B4GALNT4: variants seen among roughly 807,000 people sequenced by gnomAD.
B4GALNT4 encodes the protein N-acetyl-beta-glucosaminyl-glycoprotein 4-beta-N-acetylgalactosaminyltransferase 1.
Under a neutral mutation model 110.0 loss-of-function variants are expected in B4GALNT4, and 77 were observed. The ratio of observed to expected loss-of-function variants is 0.70; its 90% CI spans 0.58 to 0.85. The LOEUF (loss-of-function observed/expected upper bound fraction) is 0.85, where lower values mean the gene tolerates loss of function less well. Ranked by LOEUF, B4GALNT4 falls within the 40% of genes least tolerant of loss-of-function variation. The probability of loss-of-function intolerance (pLI) is 0.00; values close to 1 mark genes in which losing one functional copy is unlikely to be tolerated. For missense variants in B4GALNT4, 1,575 were observed against 1,506.0 expected, an observed-to-expected ratio of 1.05 and a Z score of -0.76; for synonymous variants, 785 against 655.5, an observed-to-expected ratio of 1.20 and a Z score of -3.02.
At chr11:378,705 G>A (rs1846809808) in intron 14 of B4GALNT4, among the ~76,000 whole-genome samples, 1 of 152,206 alleles carries the variant, frequency 6.6e-6, no homozygotes, top group African/African-American at 2.4e-5. Context: ...GCAGAGTGGA[G>A]GGAAACTGAG....
intron 8 of B4GALNT4, 91 bp downstream of exon 8, chr11:373,919 T>C: frequency 1.5e-6 from 2 of 1,331,006 alleles, no homozygotes; most frequent in Non-Finnish European, 2.1e-6. Context: ...GTCCCAAAGT[T>C]GACAAAGCAG....
Position 372,878 on chromosome 11 carries a change from G to A in B4GALNT4, c.375G>A (p.Val125=), listed in dbSNP as rs779577400. The part of the protein sequence containing the change: ...EEYKGQVNLH[V]FEDWCGGAVG... ...ACAAGGGGCAGGTGAACCTGCACGT[G>A]TTTGAGGACTGGTGTGGGGGCGCCG... Residue 125 remains valine (V), a synonymous_variant, in exon 4 of 20, where the codon GTG becomes GTA. Transcript: ENST00000329962. 8.7e-6 allele frequency: 14 copies of A among 1,606,470 alleles called. 1 individual carries two copies. The South Asian group carries it at 1.3e-4, about 15-fold the overall frequency.
chr11:379,993 G>A lies in B4GALNT4; in HGVS notation c.2616G>A (p.Arg872=). 1 of 1,612,968 alleles carries A rather than the reference G, an allele frequency of 6.2e-7. No individual in the cohort carries two copies. The change falls in exon 16 of 20, where the codon CGG becomes CGA. Residue 872 remains arginine, a synonymous_variant. Coordinates refer to ENST00000329962, the MANE Select transcript of B4GALNT4 (RefSeq NM_178537.5). ...AGAGCGAGGATATGGACGTGGAGCGGGCCCTGCGCGCCGCGCGCCTGCCCC... is the reference window on the plus strand; with the variant it reads ...AGAGCGAGGATATGGACGTGGAGCGAGCCCTGCGCGCCGCGCGCCTGCCCC... ...DFESEDMDVE[R]ALRAARLPRY...
chr11:376,892 C>T lies in B4GALNT4; in HGVS notation c.1769C>T (p.Pro590Leu). 1 of 1,355,320 alleles carries T rather than the reference C, an allele frequency of 7.4e-7. No individual in the cohort carries two copies. Among genetic ancestry groups the T allele is most frequent in the South Asian group, 1.8e-5 (1 of 54,708 alleles). The allele number at this position is 1,355,320 out of a possible 1,614,324, so 84.0% of individuals were successfully genotyped here. A position where few individuals can be genotyped will look rare whatever the true frequency, so the allele number is the denominator to read the frequency against. ...GGPQATQPRP[P>L]ARAQATQGGR... ...CCCCAGGCCACACAGCCGAGGCCCC[C>T]AGCCCGGGCGCAGGCCACCCAAGGG... The change falls in exon 14 of 20, where the codon CCA becomes CTA. Residue 590 changes from proline (P) to leucine (L), a missense_variant. Physicochemically the swap from Pro to Leu is moderately conservative, Grantham distance 98. Coordinates refer to ENST00000329962, the MANE Select transcript of B4GALNT4 (RefSeq NM_178537.5).
rs755485725 is a variant in B4GALNT4 at position 377,216 on chromosome 11, C to T, written c.2093C>T (p.Ser698Leu). ...GCCGTGGACTTCGAGCTGCTGCGCTCGGACTGGAACGACCTGCGATGCAAC... is the reference window on the plus strand; with the variant it reads ...GCCGTGGACTTCGAGCTGCTGCGCTTGGACTGGAACGACCTGCGATGCAAC... ...VGAVDFELLR[S>L]DWNDLRCNVS... The change falls in exon 14 of 20, where the codon TCG (serine) becomes TTG (leucine). Residue 698 changes from serine (S) to leucine (L), a missense_variant. By Grantham distance (145) the Ser-to-Leu change is moderately radical. Transcript: ENST00000329962. The T allele has an allele frequency of 3.8e-6, 6 of 1,595,902 alleles. No homozygotes were observed. The highest frequency in any genetic ancestry group is 1.3e-5 in the African/African-American group (1 of 74,580).
rs1438526843 is a variant in B4GALNT4 at position 376,888 on chromosome 11, C to T, written c.1765C>T (p.Pro589Ser). ...TGGPQATQPR[P>S]PARAQATQGG... is the part of the protein sequence containing the mutation. ...CGGCCCCCAGGCCACACAGCCGAGG[C>T]CCCCAGCCCGGGCGCAGGCCACCCA... is the stretch of plus-strand genomic sequence containing the variant. Residue 589 changes from proline (P) to serine (S), a missense_variant, in exon 14 of 20, where the codon CCC becomes TCC. Coordinates refer to ENST00000329962, the MANE Select transcript of B4GALNT4 (RefSeq NM_178537.5). 5.9e-6 allele frequency: 8 copies of T among 1,351,518 alleles called. No homozygotes were observed. Among genetic ancestry groups the T allele is most frequent in the Admixed American group, 4.2e-5 (1 of 23,930 alleles). 83.7% of individuals were successfully genotyped at this position (1,351,518 alleles called of 1,614,324 possible).
rs1350282851 is a variant in B4GALNT4 at position 380,866 on chromosome 11, A to G, written c.2911A>G (p.Lys971Glu). 1 of 1,613,732 alleles carries G rather than the reference A, an allele frequency of 6.2e-7. No individual in the cohort carries two copies. Among genetic ancestry groups the G allele is most frequent in the South Asian group, 1.1e-5 (1 of 91,078 alleles). Reference protein sequence around the residue: ...VNGFGLFGIYKSDFDRVGGMN... With the variant: ...VNGFGLFGIYESDFDRVGGMN... ...CGGCTTTGGCCTTTTTGGGATCTAC[A>G]AGTCGGACTTTGACCGGGTTGGAGG... The change falls in exon 19 of 20, where the codon AAG becomes GAG. Residue 971 changes from lysine to glutamate, a missense_variant. By Grantham distance (56) the Lys-to-Glu change is moderately conservative. Coordinates refer to ENST00000329962, the MANE Select transcript of B4GALNT4 (RefSeq NM_178537.5).
intron 2 of B4GALNT4, 105 bp from the exon 3 acceptor site, chr11:372,557 G>C: frequency 1.0e-6 from 1 of 998,604 alleles, no homozygotes; most frequent in Non-Finnish European, 1.6e-6. Context: ...ATTTAGGGCT[G>C]TGTGGATACA....
chr11:380,649 G>C (rs551415223), intron 18 of B4GALNT4, 176 bp from the exon 19 acceptor site: 3 of 1,270,566 alleles, frequency 2.4e-6, no homozygotes, highest in African/African-American at 1.5e-5. Context: ...CCAGTATCCC[G>C]CGTTTATGCA....
At chr11:372,249 G>A in intron 2 of B4GALNT4, 37 bp downstream of exon 2, 1 of 1,534,102 alleles carries the variant, frequency 6.5e-7, no homozygotes, top group South Asian at 1.2e-5. Context: ...TGTGCACGGA[G>A]ACGAGACCCC....
chr11:376,007 C>T (rs746015257), intron 11 of B4GALNT4, 51 bp downstream of exon 11: 1 of 1,605,158 alleles, frequency 6.2e-7, no homozygotes, highest in African/African-American at 1.3e-5. Flanking sequence ...GCGGAGCCTT[C>T]TCCAGCCCCT....
chr11:380,177 T>G lies in B4GALNT4; in HGVS notation c.2690T>G (p.Leu897Arg). The change falls in exon 17 of 20, where the codon CTG (leucine) becomes CGG (arginine). Residue 897 changes from leucine to arginine, a missense_variant. By Grantham distance (102) the Leu-to-Arg change is moderately radical. Transcript: ENST00000329962. ...GGGAACTTCGAGCGCTCCGCCGGGC[T>G]GCAGGCGGGAGTGGACGCGGTAGAG... The part of the protein sequence containing the change: ...RTGNFERSAG[L>R]QAGVDAVEDA... 1 of 1,603,622 alleles carries G rather than the reference T, an allele frequency of 6.2e-7. No individual in the cohort carries two copies. Among genetic ancestry groups the G allele is most frequent in the Non-Finnish European group, 8.5e-7 (1 of 1,172,872 alleles).
chr11:374,036 G>A (rs1434541981), intron 8 of B4GALNT4, among the ~76,000 whole-genome samples: 1 of 152,136 alleles, frequency 6.6e-6, no homozygotes, highest in East Asian at 1.9e-4. Flanking sequence ...TGAGAGGATG[G>A]AGACCTTCAG....
In B4GALNT4 at chr11:369,750, CG is replaced by C; in HGVS notation, c.-49del. 3 of 879,708 alleles carry C rather than the reference CG, an allele frequency of 3.4e-6. No homozygotes were observed. Among genetic ancestry groups the C allele is most frequent in the Non-Finnish European group, 4.1e-6 (3 of 738,216 alleles). The allele number at this position is 879,708 out of a possible 1,614,324, so 54.5% of individuals were successfully genotyped here. ...GATGCGGCGCGGGGCGGGCGGGGGC[CG>C]GGGGCTGCAGCGGCGCCGCTGAGCG... On this transcript the variant is annotated 5_prime_UTR_variant, in exon 1 of 20. The change abolishes the stop of an existing upstream ORF in the 5' untranslated region. Coordinates refer to ENST00000329962, the MANE Select transcript of B4GALNT4 (RefSeq NM_178537.5).
chr11:380,150 C>A lies in B4GALNT4; in HGVS notation c.2663C>A (p.Thr888Asn), dbSNP rs1846843771. The change falls in exon 17 of 20, where the codon ACC becomes AAC. Residue 888 changes from threonine to asparagine, a missense_variant. Transcript: ENST00000329962. ...RLPRYQYLRR[T>N]GNFERSAGLQ... ...CCCAGGTACCAGTACCTGAGACGAA[C>A]CGGGAACTTCGAGCGCTCCGCCGGG... 2 of 1,603,862 alleles carry A rather than the reference C, an allele frequency of 1.2e-6. No individual in the cohort carries two copies. Among genetic ancestry groups the A allele is most frequent in the South Asian group, 1.1e-5 (1 of 90,430 alleles).
chr11:379,230 C>T (rs577245999), intron 14 of B4GALNT4, among the ~76,000 whole-genome samples, 188 bp from the exon 15 acceptor site: 17 of 152,324 alleles, frequency 1.1e-4, no homozygotes, highest in Non-Finnish European at 7.4e-5. Context: ...CCTGCCCCGA[C>T]CCTGGAGGGG....
Position 373,172 on chromosome 11 carries a change from G to A in B4GALNT4, c.536-19G>A. 1 of 1,612,320 alleles carries A rather than the reference G, an allele frequency of 6.2e-7. No homozygotes were observed. The highest frequency in any genetic ancestry group is 8.5e-7 in the Non-Finnish European group (1 of 1,179,600). ...GTGCCGTGAGGCTCCACCCCCCTGA[G>A]CCTAGTCTTGTGGACTAGGAGACGT... On this transcript the variant is annotated intron_variant, in intron 5 of 19. Transcript: ENST00000329962.
chr11:371,301 AGC>A (rs1315737285), intron 1 of B4GALNT4, among the ~76,000 whole-genome samples: 3 of 152,084 alleles, frequency 2.0e-5, no homozygotes, highest in Non-Finnish European at 2.9e-5. Flanking sequence ...AAGTCAGGGG[AGC>A]CCTGGGGGAC....
Position 380,292 on chromosome 11 carries a change from G to A in B4GALNT4, c.2716G>A (p.Asp906Asn), listed in dbSNP as rs371372220. The change falls in exon 18 of 20, where the codon GAC becomes AAC. Residue 906 changes from aspartate to asparagine, a missense_variant and splice_region_variant. Asp to Asn is a conservative substitution (Grantham distance 23). Transcript: ENST00000329962. ...GGCTCAGACCTCCCGCACCCCCCAG[G>A]ACGCCAGCAGCATCGTGTTCCTCTG... ...GLQAGVDAVEDASSIVFLCDL... is the reference protein window; with the variant it reads ...GLQAGVDAVENASSIVFLCDL... 8.2e-5 allele frequency: 132 copies of A among 1,612,838 alleles called. No individual in the cohort carries two copies. Among genetic ancestry groups the A allele is most frequent in the Non-Finnish European group, 1.1e-4 (127 of 1,179,632 alleles).
Sources: gnomAD v4.1 joint callset for allele counts (sites outside exome capture counted in the v4.1 genomes callset) on GRCh38, gnomAD v4.1.1 for gene constraint, MANE v1.5 for transcripts, NCBI Gene and HGNC (gene_info 2026-07-23, HGNC 2026-07-21) for gene names.